The following METTL9 variants were observed in gnomAD, a reference collection of about 807,000 sequenced individuals.
METTL9 encodes the protein protein-L-histidine N-pros-methyltransferase.
A neutral mutation model predicts 36.0 loss-of-function variants in METTL9; 10 were observed. That is an observed-to-expected ratio of 0.28 (90% CI 0.17 to 0.47). The LOEUF is 0.47. METTL9 is among the 20% of genes least tolerant of loss of function. The probability of loss-of-function intolerance (pLI) is 0.99; values close to 1 mark genes in which losing one functional copy is unlikely to be tolerated. For missense variants in METTL9, 246 were observed against 383.5 expected, an observed-to-expected ratio of 0.64 and a Z score of 3.00; for synonymous variants, 175 against 149.7, an observed-to-expected ratio of 1.17 and a Z score of -1.23.
At chr16:21,627,047 A>G in intron 4 of METTL9, 1 of 985,456 alleles carries the variant, frequency 1.0e-6, no homozygotes, top group South Asian at 4.7e-5. Flanking sequence ...GGAGTCTGGC[A>G]TGTGACACAC....
Position 21,655,437 on chromosome 16 carries a change from G to C in METTL9, c.*5G>C, listed in dbSNP as rs1256380845. ...TTTGTTCTCAAACCAGTATAAACAC[G>C]TGGAGGTCGAAGTCTTCAGAGTCCG... On this transcript the variant is annotated 3_prime_UTR_variant, in exon 5 of 5. Transcript: ENST00000358154. The C allele has an allele frequency of 1.9e-6, 3 of 1,612,146 alleles. 1 individual carries two copies. Among genetic ancestry groups the C allele is most frequent in the Admixed American group, 1.7e-5 (1 of 59,938 alleles).
chr16:21,647,207 C>G, intron 4 of METTL9: 1 of 1,614,144 alleles, frequency 6.2e-7, no homozygotes, highest in Non-Finnish European at 8.5e-7. Context: ...TGCTATTCCA[C>G]AGATGTAAAT....
At chr16:21,611,955 T>G (rs1406991738) in intron 1 of METTL9, 1 of 152,242 alleles carries the variant, frequency 6.6e-6, no homozygotes, top group African/African-American at 2.4e-5. Context: ...ATGTTACTAT[T>G]TGGTCTTCTC....
chr16:21,619,587 A>ATTTTTTTTTTTTTT (rs35728063), intron 3 of METTL9, among the ~76,000 whole-genome samples: 66 of 124,200 alleles, frequency 5.3e-4, no homozygotes, highest in Non-Finnish European at 7.5e-4. Flanking sequence ...TGCCCGGCTA[A>ATTTTTTTTTTTTTT]TTTTTTTTTT....
At chr16:21,599,365 G>C (rs1368149116), upstream of METTL9, 1 of 1,031,366 alleles carries the variant, frequency 9.7e-7, no homozygotes, top group Non-Finnish European at 1.2e-6. The surrounding 1 kb of genome is among the most constrained non-coding windows in gnomAD (Gnocchi z 4.4). Flanking sequence ...AGAGGCCAAG[G>C]CAGGGCCGGG....
chr16:21,599,614 T>C lies in METTL9; in HGVS notation c.-120T>C. 2 of 1,329,594 alleles carry C rather than the reference T, an allele frequency of 1.5e-6. No homozygotes were observed. The highest frequency in any genetic ancestry group is 2.0e-5 in the South Asian group (1 of 50,988). The allele number at this position is 1,329,594 out of a possible 1,614,324, so 82.4% of individuals were successfully genotyped here. A position where few individuals can be genotyped will look rare whatever the true frequency, so the allele number is the denominator to read the frequency against. ...AGCCTTTGCCCTGAAGGGGGCTGGA[T>C]GGGCAAGGCGGCCGCGATGGCTCGA... is the stretch of plus-strand genomic sequence containing the variant. On this transcript the variant is annotated 5_prime_UTR_variant, in exon 1 of 5. It removes an upstream start codon present in the reference 5' UTR. Transcript: ENST00000358154. This position sits in a 1 kb window ranked among gnomAD's most constrained non-coding sequence, Gnocchi z 4.4.
chr16:21,609,396 C>G (rs568037408), intron 1 of METTL9, among the ~76,000 whole-genome samples: 1 of 152,198 alleles, frequency 6.6e-6, no homozygotes, highest in South Asian at 2.1e-4. Context: ...AAGATAGGCA[C>G]TGAACATGCG....
At chr16:21,625,385 A>G (rs899205182) in intron 4 of METTL9, among the ~76,000 whole-genome samples, 1 of 152,180 alleles carries the variant, frequency 6.6e-6, no homozygotes, top group African/African-American at 2.4e-5. Flanking sequence ...ATGCAACTGT[A>G]TCTCTGGTTT....
At chr16:21,652,440 TTAATC>T in intron 4 of METTL9, 1 of 977,950 alleles carries the variant, frequency 1.0e-6, no homozygotes, top group Admixed American at 2.5e-5. Context: ...CATTTAAAAA[TTAATC>T]TGAAGGAGCT....
At chr16:21,606,567 T>C (rs530405482) in intron 1 of METTL9, among the ~76,000 whole-genome samples, 2 of 152,070 alleles carry the variant, frequency 1.3e-5, no homozygotes, top group African/African-American at 2.4e-5. Flanking sequence ...ATGATTAGAC[T>C]CAGTCTTCAA....
At chr16:21,618,137 T>A in intron 3 of METTL9, 63 bp downstream of exon 3, 1 of 1,181,626 alleles carries the variant, frequency 8.5e-7, no homozygotes, top group East Asian at 2.6e-5. Flanking sequence ...AGGATATGAA[T>A]AAAAAATGAT....
upstream of METTL9, chr16:21,599,468 A>C: frequency 8.6e-7 from 1 of 1,162,746 alleles, no homozygotes. The surrounding 1 kb of genome is among the most constrained non-coding windows in gnomAD (Gnocchi z 4.4). Flanking sequence ...CGGGGGAGAA[A>C]GCGACGCGGC....
At chr16:21,649,403 G>A (rs1966512206) in intron 4 of METTL9, among the ~76,000 whole-genome samples, 1 of 152,164 alleles carries the variant, frequency 6.6e-6, no homozygotes, top group Admixed American at 6.6e-5. Flanking sequence ...ACCTGGAGGA[G>A]GCCTGCAAGC....
At chr16:21,619,060 A>G (rs186982990) in intron 3 of METTL9, among the ~76,000 whole-genome samples, 1 of 152,102 alleles carries the variant, frequency 6.6e-6, no homozygotes. Flanking sequence ...TTGTTTACCC[A>G]TTTATCTGTC....
rs1164991471 is a variant in METTL9 at position 21,630,932 on chromosome 16, AT to A, written c.751+5818del. Among the ~76,000 whole-genome samples, 3 of 152,030 alleles carry A rather than the reference AT, an allele frequency of 2.0e-5. No homozygotes were observed. The East Asian group carries it at 5.8e-4, about 29-fold the overall frequency. ...CCTTTTCCTGTAAACGCTGGGCGGC[AT>A]CTCGTACTATCCCTGCCTGGTTAGT... On this transcript the variant is annotated intron_variant, in intron 4 of 4. Transcript: ENST00000358154.
At chr16:21,655,176 T>A in intron 4 of METTL9, 51 bp from the exon 5 acceptor site, 1 of 1,552,468 alleles carries the variant, frequency 6.4e-7, no homozygotes, top group Non-Finnish European at 8.9e-7. Context: ...CTTCCCTCTT[T>A]AAATCACTTG....
intron 4 of METTL9, chr16:21,647,031 T>G: frequency 6.7e-7 from 1 of 1,496,988 alleles, no homozygotes; most frequent in Non-Finnish European, 9.3e-7. Context: ...GGGTATTAAC[T>G]TAGCAAATTT....
chr16:21,631,723 G>T (rs1302776994), intron 4 of METTL9, among the ~76,000 whole-genome samples: 1 of 152,132 alleles, frequency 6.6e-6, no homozygotes. Context: ...TGATAGGAAG[G>T]CTATGGGTTG....
chr16:21,643,506 C>T, intron 4 of METTL9: 1 of 1,277,786 alleles, frequency 7.8e-7, no homozygotes, highest in Non-Finnish European at 1.1e-6. Flanking sequence ...TCGTTACAAC[C>T]AGCCACAATT....
Sources: gnomAD v4.1 joint callset for allele counts (sites outside exome capture counted in the v4.1 genomes callset) on GRCh38, gnomAD v4.1.1 for gene constraint, Gnocchi (gnomAD v3.1) non-coding constraint, MANE v1.5 for transcripts, NCBI Gene and HGNC (gene_info 2026-07-23, HGNC 2026-07-21) for gene names.